The following ZNF236 variants were observed in gnomAD, a reference collection of about 807,000 sequenced individuals.
ZNF236 encodes regulated by glucose.
In ZNF236, 50 loss-of-function variants were observed where a neutral mutation model predicts 191.2. That is an observed-to-expected ratio of 0.26 (90% confidence interval 0.21 to 0.33). ZNF236 has a LOEUF of 0.33. Among genes scored for constraint, ZNF236 ranks in the 10% least tolerant of loss-of-function variants. ZNF236 has a pLI of 1.00. For missense variants in ZNF236, 1,754 were observed against 2,374.5 expected (o/e 0.74, Z 5.43); for synonymous variants, 907 against 928.8 (o/e 0.98, Z 0.43).
intron 3 of ZNF236, among the ~76,000 whole-genome samples, chr18:76,866,670 A>G (rs1177689081): frequency 1.3e-5 from 2 of 152,210 alleles, no homozygotes; most frequent in Admixed American, 6.5e-5. Context: ...GAATTACCCC[A>G]GGACAGCCTC....
At chr18:76,889,052 TC>T (rs1239425324) in intron 9 of ZNF236, among the ~76,000 whole-genome samples, 1 of 152,362 alleles carries the variant, frequency 6.6e-6, no homozygotes, top group East Asian at 1.9e-4. Context: ...TGCCTGCACT[TC>T]TGACTCTTGC....
At chr18:76,829,287 T>G (rs868747801) in intron 1 of ZNF236, among the ~76,000 whole-genome samples, 45 of 151,922 alleles carry the variant, frequency 3.0e-4, no homozygotes, top group Middle Eastern at 6.9e-3. Flanking sequence ...GGAGCGTGGC[T>G]CTCACCCTTG....
Position 76,871,764 on chromosome 18 carries a change from G to A in ZNF236, c.606G>A (p.Pro202=), listed in dbSNP as rs1370109012. 2.5e-6 allele frequency: 4 copies of A among 1,614,032 alleles called. No individual in the cohort carries two copies. The highest frequency in any genetic ancestry group is 2.2e-5 in the East Asian group (1 of 44,892). Residue 202 remains proline, a synonymous_variant, in exon 5 of 31, where the codon CCG becomes CCA. Transcript: ENST00000320610. The part of the protein sequence containing the change: ...IDRSGFTYSC[P]HCGKTFQKPS... ...GAAGTGGATTCACGTATTCGTGTCC[G>A]CACTGTGGAAAGACGTTTCAAAAGC...
At chr18:76,924,769 T>C (rs918833086) in intron 21 of ZNF236, among the ~76,000 whole-genome samples, 1 of 152,188 alleles carries the variant, frequency 6.6e-6, no homozygotes, top group African/African-American at 2.4e-5. Context: ...TGGTTGCCCC[T>C]GTTTGGCAGA....
At chr18:76,846,305 A>G (rs974334551) in intron 1 of ZNF236, among the ~76,000 whole-genome samples, 2 of 152,244 alleles carry the variant, frequency 1.3e-5, no homozygotes, top group Admixed American at 6.5e-5. Context: ...TCTGGGGACC[A>G]GAAATTTGAA....
chr18:76,871,670 C>G, intron 4 of ZNF236, 31 bp from the exon 5 acceptor site: 2 of 1,613,220 alleles, frequency 1.2e-6, no homozygotes, highest in Non-Finnish European at 1.7e-6. Context: ...AGACATCTTA[C>G]TGTGTATTTT....
In ZNF236 at chr18:76,923,188, G is replaced by A; in HGVS notation, c.3661+14G>A. 1 of 1,548,162 alleles carries A rather than the reference G, an allele frequency of 6.5e-7. No homozygotes were observed. Among genetic ancestry groups the A allele is most frequent in the Non-Finnish European group, 8.9e-7 (1 of 1,119,918 alleles). Reference sequence around the variant, plus strand: ...AGACTCACACAGGTAAGGAAAACATGCCTGCGTCATTGGTAGAGGTCTTAG... The same window carrying A: ...AGACTCACACAGGTAAGGAAAACATACCTGCGTCATTGGTAGAGGTCTTAG... On this transcript the variant is annotated intron_variant, in intron 21 of 30. Transcript: ENST00000320610.
At chr18:76,877,861 C>A in intron 6 of ZNF236, 148 bp from the exon 7 acceptor site, 1 of 554,144 alleles carries the variant, frequency 1.8e-6, no homozygotes, top group East Asian at 2.9e-5. Flanking sequence ...CTAGAACTAT[C>A]TAATTTAAAA....
chr18:76,965,166 C>T (rs146012752), intron 30 of ZNF236, among the ~76,000 whole-genome samples: 1 of 152,222 alleles, frequency 6.6e-6, no homozygotes, highest in East Asian at 1.9e-4. Context: ...TGTACTTGTT[C>T]TATTCTATTG....
At chr18:76,832,085 A>G (rs1184119958) in intron 1 of ZNF236, among the ~76,000 whole-genome samples, 1 of 152,010 alleles carries the variant, frequency 6.6e-6, no homozygotes, top group African/African-American at 2.4e-5. Context: ...TTACATCTTT[A>G]TTTTATTTTT....
intron 30 of ZNF236, among the ~76,000 whole-genome samples, chr18:76,964,793 A>C (rs756516973): frequency 6.6e-6 from 1 of 152,066 alleles, no homozygotes; most frequent in Non-Finnish European, 1.5e-5. Flanking sequence ...CTGTTGGACA[A>C]CGCCTTTTAT....
intron 25 of ZNF236, among the ~76,000 whole-genome samples, chr18:76,936,557 A>G (rs561695976): frequency 6.6e-6 from 1 of 152,358 alleles, no homozygotes; most frequent in East Asian, 1.9e-4. Flanking sequence ...AGGATAAATG[A>G]ATATTTAAAG....
intron 9 of ZNF236, among the ~76,000 whole-genome samples, chr18:76,882,012 CA>C (rs573240660): frequency 1.1e-3 from 162 of 152,310 alleles, no homozygotes; most frequent in African/African-American, 3.5e-3. Context: ...CACCAAGATC[CA>C]TTTCTTGGCT....
rs897038386 is a variant in ZNF236, at chr18:76,972,373, C to T, written c.*4034C>T. ...TGTTTGGTGGCTGGCCCTCTCCGAA[C>T]GGATTCCCCTCCTCAGACCCCCATG... is the stretch of plus-strand genomic sequence containing the variant. On this transcript the variant is annotated 3_prime_UTR_variant, in exon 31 of 31. Coordinates refer to ENST00000320610, the MANE Select transcript of ZNF236 (RefSeq NM_001306089.2). 9.9e-5 allele frequency among the ~76,000 whole-genome samples: 15 copies of T among 152,232 alleles called. No individual in the cohort carries two copies. Among genetic ancestry groups the T allele is most frequent in the African/African-American group, 3.4e-4 (14 of 41,534 alleles).
At position 76,875,483 on chromosome 18, in the gene ZNF236, C is replaced by A; in HGVS notation, c.668-9C>A. 1.3e-6 allele frequency: 2 copies of A among 1,490,206 alleles called. No individual in the cohort carries two copies. The highest frequency in any genetic ancestry group is 1.4e-5 in the South Asian group (1 of 73,852). 92.3% of individuals were successfully genotyped at this position (1,490,206 alleles called of 1,614,324 possible). ...GAATTATATTTTGATCATTTTTCTC[C>A]CACTCTAGGTGAAAGGCCGTTCAAA... On this transcript the variant is annotated splice_polypyrimidine_tract_variant and intron_variant, in intron 5 of 30. Transcript: ENST00000320610. This position sits in a 1 kb window ranked among gnomAD's most constrained non-coding sequence, Gnocchi z 4.3.
Position 76,868,779 on chromosome 18 carries a change from G to A in ZNF236, c.458G>A (p.Arg153Gln), listed in dbSNP as rs761786770. Residue 153 changes from arginine to glutamine, a missense_variant, in exon 4 of 31, where the codon CGG becomes CAG. Coordinates refer to ENST00000320610, the MANE Select transcript of ZNF236 (RefSeq NM_001306089.2). Reference sequence around the variant, plus strand: ...CACCGCCAGGAGCTGGCTGGAACCCGGCAGCATGCCTGCAAGGCCTGCAAG... The same window carrying A: ...CACCGCCAGGAGCTGGCTGGAACCCAGCAGCATGCCTGCAAGGCCTGCAAG... ...EEHRQELAGTRQHACKACKKE... is the reference protein window; with the variant it reads ...EEHRQELAGTQQHACKACKKE... 3.2e-5 allele frequency: 51 copies of A among 1,613,748 alleles called. No individual in the cohort carries two copies. The East Asian group carries it at 9.6e-4, about 30-fold the overall frequency.
Position 76,967,755 on chromosome 18 carries a change from G to A in ZNF236, c.5420-460G>A, listed in dbSNP as rs140390739. On this transcript the variant is annotated intron_variant, in intron 30 of 30. Coordinates refer to ENST00000320610, the MANE Select transcript of ZNF236 (RefSeq NM_001306089.2). ...CTGTGAGGCTTGCAGGTGTTCTTTG[G>A]TTGTTTGAGGTGCGGTACTTTGTGA... is the stretch of plus-strand genomic sequence containing the variant. 2.8e-3 allele frequency among the ~76,000 whole-genome samples: 424 copies of A among 151,706 alleles called. 1 individual carries two copies. The highest frequency in any genetic ancestry group is 6.8e-3 in the Middle Eastern group (2 of 292).
chr18:76,945,101 A>G (rs910882804), intron 26 of ZNF236, among the ~76,000 whole-genome samples: 1 of 152,204 alleles, frequency 6.6e-6, no homozygotes, highest in African/African-American at 2.4e-5. Flanking sequence ...TAACCCTGAC[A>G]TCTGCCACTC....
intron 3 of ZNF236, among the ~76,000 whole-genome samples, chr18:76,862,998 A>C (rs558632576): frequency 6.6e-6 from 1 of 152,360 alleles, no homozygotes; most frequent in Non-Finnish European, 1.5e-5. Flanking sequence ...GAAAAAACAG[A>C]AGAAAGAAAT....
Sources: gnomAD v4.1 joint callset for allele counts (sites outside exome capture counted in the v4.1 genomes callset) on GRCh38, gnomAD v4.1.1 for gene constraint, Gnocchi (gnomAD v3.1) non-coding constraint, MANE v1.5 for transcripts, NCBI Gene and HGNC (gene_info 2026-07-23, HGNC 2026-07-21) for gene names.